The following PTGFR variants were observed in gnomAD, a reference collection of about 807,000 sequenced individuals.
PTGFR encodes the protein prostaglandin F receptor.
A neutral mutation model predicts 26.2 loss-of-function variants in PTGFR; 15 were observed. The observed-to-expected ratio is 0.57, with a 90% CI of 0.38 to 0.88. The LOEUF is 0.88. Ranked by LOEUF, PTGFR falls within the 40% of genes least tolerant of loss-of-function variation. The probability of loss-of-function intolerance (pLI) is 0.00; values close to 1 mark genes in which losing one functional copy is unlikely to be tolerated. For missense variants in PTGFR, 369 were observed against 427.2 expected (o/e 0.86, Z 1.20); for synonymous variants, 165 against 151.1 (o/e 1.09, Z -0.68).
At chr1:78,532,364 T>TATATA (rs1650529291) in intron 2 of PTGFR, 1 of 85,214 alleles carries the variant, frequency 1.2e-5, no homozygotes, top group Non-Finnish European at 2.3e-5. Flanking sequence ...GTAAATTCAT[T>TATATA]TATATATATA....
intron 2 of PTGFR, among the ~76,000 whole-genome samples, chr1:78,512,986 T>G (rs1291757106): frequency 6.6e-6 from 1 of 150,972 alleles, no homozygotes; most frequent in African/African-American, 2.4e-5. Flanking sequence ...CAGAAATGGA[T>G]GCTGGCACCA....
chr1:78,519,728 C>T (rs1310414020), intron 2 of PTGFR, among the ~76,000 whole-genome samples: 1 of 152,064 alleles, frequency 6.6e-6, no homozygotes, highest in African/African-American at 2.4e-5. Context: ...CAAGGAACAG[C>T]TTTGCTAAGA....
Position 78,540,488 on chromosome 1 carries a change from T to C in PTGFR, c.*3801T>C, listed in dbSNP as rs1443887069. ...ACATTTAGGACTCACTCTTTGTAAG[T>C]ACTGACAAGCATGGTCTTGTAATCT... On this transcript the variant is annotated 3_prime_UTR_variant, in exon 3 of 3. Coordinates refer to ENST00000370757, the MANE Select transcript of PTGFR (RefSeq NM_000959.4). Among the ~76,000 whole-genome samples, 2 of 152,118 alleles carry C rather than the reference T, an allele frequency of 1.3e-5. No homozygotes were observed. Among genetic ancestry groups the C allele is most frequent in the African/African-American group, 2.4e-5 (1 of 41,440 alleles).
chr1:78,530,661 G>T (rs2100398263), intron 2 of PTGFR, among the ~76,000 whole-genome samples: 1 of 152,286 alleles, frequency 6.6e-6, no homozygotes, highest in African/African-American at 2.4e-5. Flanking sequence ...GCTTCTCTCA[G>T]AGGTGTAGCA....
chr1:78,521,919 G>A (rs1371529344), intron 2 of PTGFR, among the ~76,000 whole-genome samples: 1 of 152,094 alleles, frequency 6.6e-6, no homozygotes, highest in Non-Finnish European at 1.5e-5. Context: ...TAACTTGGCA[G>A]CATGAAACAG....
intron 2 of PTGFR, among the ~76,000 whole-genome samples, chr1:78,512,354 G>A (rs1649992321): frequency 6.6e-6 from 1 of 152,180 alleles, no homozygotes. Context: ...TTGGCTCATG[G>A]TTCTGTAGGC....
At position 78,492,717 on chromosome 1, in the gene PTGFR, G is replaced by A. The variant is rs1430333385; in HGVS notation, c.-27G>A. The A allele has an allele frequency of 6.3e-7, 1 of 1,582,666 alleles. No individual in the cohort carries two copies. The highest frequency in any genetic ancestry group is 1.2e-5 in the South Asian group (1 of 84,752). On this transcript the variant is annotated 5_prime_UTR_variant, in exon 2 of 3. It removes the in-frame stop codon of an upstream open reading frame in the 5' UTR. Transcript: ENST00000370757. ...CACAGTTTTGAGAGGGAGATGACTTGAGTGGTTGGCTTTTATCTCCACAAC... is the reference window on the plus strand; with the variant it reads ...CACAGTTTTGAGAGGGAGATGACTTAAGTGGTTGGCTTTTATCTCCACAAC...
chr1:78,492,963 G>T lies in PTGFR; in HGVS notation c.220G>T (p.Val74Leu). ...ASFLLLASGL[V>L]ITDFFGHLIN... ...GTTTCTGCTTTTGGCCAGTGGCCTG[G>T]TAATCACTGATTTCTTTGGCCATCT... Residue 74 changes from valine to leucine, a missense_variant, in exon 2 of 3, where the codon GTA (valine) becomes TTA (leucine). Val to Leu is a conservative substitution (Grantham distance 32). Transcript: ENST00000370757. 1 of 1,614,226 alleles carries T rather than the reference G, an allele frequency of 6.2e-7. No homozygotes were observed. Among genetic ancestry groups the T allele is most frequent in the Non-Finnish European group, 8.5e-7 (1 of 1,180,034 alleles).
chr1:78,491,286 G>C (rs967806121), intron 1 of PTGFR, 50 bp downstream of exon 1: 1 of 152,378 alleles, frequency 6.6e-6, no homozygotes, highest in Non-Finnish European at 1.5e-5. Context: ...CGCTTATCTA[G>C]ACCCAGATTT....
rs1441323742 is a variant in PTGFR at position 78,536,944 on chromosome 1, C to T, written c.*257C>T. 2 of 437,078 alleles carry T rather than the reference C, an allele frequency of 4.6e-6. No homozygotes were observed. The highest frequency in any genetic ancestry group is 4.1e-5 in the African/African-American group (2 of 49,124). The allele number at this position is 437,078 out of a possible 1,614,324, so 27.1% of individuals were successfully genotyped here. On this transcript the variant is annotated 3_prime_UTR_variant, in exon 3 of 3. Coordinates refer to ENST00000370757, the MANE Select transcript of PTGFR (RefSeq NM_000959.4). ...GAGTCACACTGAAAGCAATTTTGAG[C>T]TTATCTGTCTTATTTATGCTTTGAG...
At chr1:78,491,567 C>T (rs531911349) in intron 1 of PTGFR, among the ~76,000 whole-genome samples, 1 of 152,342 alleles carries the variant, frequency 6.6e-6, no homozygotes, top group Non-Finnish European at 1.5e-5. Context: ...CTCCCCGTGC[C>T]CGGGATGAGG....
At chr1:78,492,362 C>T (rs901414610) in intron 1 of PTGFR, among the ~76,000 whole-genome samples, 5 of 151,986 alleles carry the variant, frequency 3.3e-5, no homozygotes, top group Non-Finnish European at 7.4e-5. Context: ...ATCTTGGTAG[C>T]GATTTTGTAA....
intron 2 of PTGFR, among the ~76,000 whole-genome samples, chr1:78,508,554 C>T (rs1225085170): frequency 6.6e-6 from 1 of 152,146 alleles, no homozygotes; most frequent in African/African-American, 2.4e-5. Context: ...AGTGCTAGCT[C>T]CCTGCTGTGC....
intron 2 of PTGFR, among the ~76,000 whole-genome samples, chr1:78,499,326 G>C (rs1335842476): frequency 6.6e-6 from 1 of 152,166 alleles, no homozygotes; most frequent in Admixed American, 6.5e-5. Flanking sequence ...GACCTAGCAG[G>C]GTGTGATAAC....
intron 2 of PTGFR, among the ~76,000 whole-genome samples, chr1:78,504,024 G>C (rs987733222): frequency 2.6e-5 from 4 of 152,198 alleles, no homozygotes; most frequent in African/African-American, 9.7e-5. Flanking sequence ...CAGAAAGCTG[G>C]TGGTATGAGG....
At chr1:78,520,619 A>G (rs1650199979) in intron 2 of PTGFR, among the ~76,000 whole-genome samples, 1 of 152,106 alleles carries the variant, frequency 6.6e-6, no homozygotes, top group Admixed American at 6.6e-5. Context: ...GACCTTTCTT[A>G]GTTATGTGAG....
intron 2 of PTGFR, among the ~76,000 whole-genome samples, chr1:78,503,295 C>T (rs1649753279): frequency 1.3e-5 from 2 of 151,754 alleles, no homozygotes; most frequent in Admixed American, 1.3e-4. Context: ...GATAAGGAAA[C>T]CGACTCAGGA....
intron 1 of PTGFR, among the ~76,000 whole-genome samples, chr1:78,491,854 C>A (rs982919737): frequency 6.6e-6 from 1 of 152,166 alleles, no homozygotes; most frequent in Non-Finnish European, 1.5e-5. Context: ...GAAGAGTGGC[C>A]GTGGCCTTGT....
At chr1:78,518,217 T>G (rs1165421153) in intron 2 of PTGFR, among the ~76,000 whole-genome samples, 1 of 152,196 alleles carries the variant, frequency 6.6e-6, no homozygotes. Context: ...AGGAAACATT[T>G]AGTTATGTCT....
Sources: allele counts gnomAD v4.1 joint callset (sites outside exome capture counted in the v4.1 genomes callset), GRCh38; gene constraint gnomAD v4.1.1; transcripts MANE v1.5; gene names NCBI Gene and HGNC (gene_info 2026-07-23, HGNC 2026-07-21).